TENM3: variants seen among roughly 807,000 people sequenced by gnomAD.
The protein encoded by TENM3 is teneurin-3.
In TENM3, 63 loss-of-function variants were observed where a neutral mutation model predicts 255.1. The observed-to-expected ratio is 0.25, with a 90% CI of 0.20 to 0.30. The LOEUF (loss-of-function observed/expected upper bound fraction) is 0.30, where lower values mean the gene tolerates loss of function less well. Ranked by LOEUF, TENM3 falls within the 10% of genes least tolerant of loss-of-function variation. The pLI, the probability that TENM3 is intolerant of heterozygous loss-of-function variation, is 1.00. For synonymous variants in TENM3, 1,306 were observed against 1,322.3 expected (o/e 0.99, Z 0.27); for missense variants, 2,929 against 3,461.1 (o/e 0.85, Z 3.86).
chr4:182,176,507 C>T (rs909026632), intron 1 of TENM3, among the ~76,000 whole-genome samples: 2 of 152,130 alleles, frequency 1.3e-5, no homozygotes, highest in Admixed American at 1.3e-4. Flanking sequence ...GAAATTGAAA[C>T]ATAGAATATT....
In TENM3 at chr4:182,202,646, G is replaced by A. The variant is rs1283377101; in HGVS notation, c.-76+57892G>A. 8.6e-5 allele frequency among the ~76,000 whole-genome samples: 13 copies of A among 152,032 alleles called. No individual in the cohort carries two copies. The East Asian group carries it at 1.8e-3, about 20-fold the overall frequency. ...ATCCCAGGTCCAATTCCACTGCTTC[G>A]CTTACAATCTGGGACTCTGCCTCGG... On this transcript the variant is annotated intron_variant, in intron 1 of 2. Transcript: ENST00000512480.
intron 3 of TENM3, among the ~76,000 whole-genome samples, chr4:182,489,871 C>T (rs1735119848): frequency 6.6e-6 from 1 of 151,664 alleles, no homozygotes; most frequent in Non-Finnish European, 1.5e-5. Context: ...TTCCTCCCTT[C>T]CTCCCTTCCT....
intron 3 of TENM3, among the ~76,000 whole-genome samples, chr4:182,494,791 A>T (rs1301027219): frequency 1.3e-5 from 2 of 152,152 alleles, no homozygotes; most frequent in African/African-American, 4.8e-5. Flanking sequence ...AGTACCAGGA[A>T]CTTCTAAACT....
intron 5 of TENM3, among the ~76,000 whole-genome samples, chr4:182,629,278 T>C (rs1447131500): frequency 1.3e-5 from 2 of 152,122 alleles, no homozygotes; most frequent in Non-Finnish European, 2.9e-5. Flanking sequence ...GCTTGTGATA[T>C]TGTAAGTCTC....
chr4:181,849,930 T>TCTCTCTCTC, the TENM3 span, among the ~76,000 whole-genome samples: 10 of 84,104 alleles, frequency 1.2e-4, no homozygotes, highest in African/African-American at 3.6e-4. Context: ...CTCTCTCTCT[T>TCTCTCTCTC]TCTCTCTCTC....
the TENM3 span, among the ~76,000 whole-genome samples, chr4:181,515,214 C>T: frequency 4.6e-5 from 7 of 152,274 alleles, no homozygotes; most frequent in South Asian, 2.1e-4. Context: ...TGCTTTCCCC[C>T]GGCTCACATT....
intron 3 of TENM3, among the ~76,000 whole-genome samples, chr4:182,463,837 G>A (rs943995070): frequency 1.3e-5 from 2 of 152,028 alleles, no homozygotes; most frequent in Non-Finnish European, 2.9e-5. Context: ...TGGTCAGGCT[G>A]GTCTCGAACT....
Position 182,730,987 on chromosome 4 carries a change from A to G in TENM3, c.2815A>G (p.Met939Val), listed in dbSNP as rs1379714744. Residue 939 changes from methionine to valine, a missense_variant, in exon 16 of 28, where the codon ATG (methionine) becomes GTG (valine). This residue lies in a region of TENM3 where 1,608 missense variants were observed against 1,884.4 expected (regional missense o/e 0.85). Transcript: ENST00000511685. ...GATTCCATGGAATGTCTTTTATGTG[A>G]TGGATACCCTAGTCATGAAGAAAGA... is the stretch of plus-strand genomic sequence containing the variant. ...VWIPWNVFYV[M>V]DTLVMKKEEN... 6 of 1,613,766 alleles carry G rather than the reference A, an allele frequency of 3.7e-6. No homozygotes were observed. The African/African-American group carries it at 4.0e-5, about 11-fold the overall frequency.
the TENM3 span, among the ~76,000 whole-genome samples, chr4:181,878,884 T>C: frequency 1.3e-5 from 2 of 152,274 alleles, no homozygotes; most frequent in Non-Finnish European, 2.9e-5. Flanking sequence ...CCTCTCTATC[T>C]ATCTATATTA....
chr4:181,799,018 C>A, the TENM3 span, among the ~76,000 whole-genome samples: 1 of 152,148 alleles, frequency 6.6e-6, no homozygotes. Flanking sequence ...AAAATGTAGA[C>A]GGCCGCTTAT....
the TENM3 span, among the ~76,000 whole-genome samples, chr4:181,621,974 T>A: frequency 6.6e-6 from 1 of 152,214 alleles, no homozygotes; most frequent in Non-Finnish European, 1.5e-5. Context: ...TCACCTGACA[T>A]ACGCACACAA....
chr4:182,387,406 A>G (rs1768027477), intron 3 of TENM3, among the ~76,000 whole-genome samples: 1 of 152,144 alleles, frequency 6.6e-6, no homozygotes, highest in African/African-American at 2.4e-5. Flanking sequence ...TAGCTCAGGG[A>G]TTGTAAACGC....
intron 1 of TENM3, among the ~76,000 whole-genome samples, chr4:182,316,941 G>T (rs1246236461): frequency 6.6e-6 from 1 of 152,162 alleles, no homozygotes; most frequent in Non-Finnish European, 1.5e-5. Context: ...GTGATCCATG[G>T]CACAGCTTAA....
intron 24 of TENM3, among the ~76,000 whole-genome samples, chr4:182,777,442 A>G (rs1311591392): frequency 6.6e-6 from 1 of 151,714 alleles, no homozygotes; most frequent in Non-Finnish European, 1.5e-5. Context: ...TATAAATCTA[A>G]CACTAGAAAT....
intron 1 of TENM3, among the ~76,000 whole-genome samples, chr4:182,183,606 A>G (rs963641363): frequency 2.7e-4 from 41 of 152,308 alleles, no homozygotes; most frequent in African/African-American, 8.9e-4. Flanking sequence ...GAAGTTTAAC[A>G]TACTGAGAGA....
At chr4:181,548,723 C>T in the TENM3 span, among the ~76,000 whole-genome samples, 2,499 of 152,142 alleles carry the variant, frequency 0.016, 29 homozygotes, top group Middle Eastern at 0.054. Context: ...AGACATACCA[C>T]GTGACAATTT....
the TENM3 span, among the ~76,000 whole-genome samples, chr4:181,829,212 T>G: frequency 6.6e-6 from 1 of 152,226 alleles, no homozygotes; most frequent in Non-Finnish European, 1.5e-5. Flanking sequence ...ACACTATCAC[T>G]GTTAACAAAC....
intron 3 of TENM3, among the ~76,000 whole-genome samples, chr4:182,421,490 G>A (rs1770829293): frequency 1.3e-5 from 2 of 152,062 alleles, no homozygotes; most frequent in Non-Finnish European, 2.9e-5. Context: ...ATTCCCCTTT[G>A]TTGCTCAGAA....
the TENM3 span, among the ~76,000 whole-genome samples, chr4:181,510,730 C>T: frequency 1.2e-4 from 19 of 152,226 alleles, no homozygotes; most frequent in South Asian, 1.5e-3. Context: ...ATGGGAGGTT[C>T]GTTTCTTAAA....
Sources: allele counts gnomAD v4.1 joint callset (sites outside exome capture counted in the v4.1 genomes callset), GRCh38; gene constraint gnomAD v4.1.1; regional missense constraint gnomAD v4.1.1; transcripts MANE v1.5; gene names NCBI Gene and HGNC (gene_info 2026-07-23, HGNC 2026-07-21).